Variants in OPCML observed in about 807,000 individuals in gnomAD.
OPCML encodes opioid-binding protein/cell adhesion molecule.
In OPCML, 13 loss-of-function variants were observed where a neutral mutation model predicts 37.8. The observed-to-expected ratio is 0.34, with a 90% CI of 0.22 to 0.55. The LOEUF is 0.55. OPCML is among the 20% of genes least tolerant of loss of function. The pLI, the probability that OPCML is intolerant of heterozygous loss-of-function variation, is 0.91. For missense variants in OPCML, 341 were observed against 435.6 expected (o/e 0.78, Z 1.93); for synonymous variants, 176 against 168.8 (o/e 1.04, Z -0.33).
chr11:132,722,734 C>T (rs373123738), intron 2 of OPCML, among the ~76,000 whole-genome samples: 2 of 152,224 alleles, frequency 1.3e-5, no homozygotes, highest in South Asian at 2.1e-4. Context: ...ACTGCCAGCC[C>T]TCCATGAACT....
chr11:133,041,035 A>G (rs1043947593), intron 1 of OPCML, among the ~76,000 whole-genome samples: 6 of 152,184 alleles, frequency 3.9e-5, no homozygotes, highest in African/African-American at 1.2e-4. Context: ...GTTAGCTGGA[A>G]AAAACTTTAT....
At chr11:132,578,298 C>T (rs2096455281) in intron 3 of OPCML, among the ~76,000 whole-genome samples, 2 of 152,134 alleles carry the variant, frequency 1.3e-5, no homozygotes, top group Non-Finnish European at 2.9e-5. Flanking sequence ...TCAACCAATG[C>T]TTTGAGTTTG....
At chr11:133,385,599 T>A (rs2136793359) in intron 1 of OPCML, among the ~76,000 whole-genome samples, 1 of 152,082 alleles carries the variant, frequency 6.6e-6, no homozygotes, top group Non-Finnish European at 1.5e-5. Flanking sequence ...GCCTAGCTGT[T>A]TTCAAAGCTC....
intron 1 of OPCML, chr11:133,066,989 T>G (rs1948452072): frequency 6.6e-6 from 1 of 152,162 alleles, no homozygotes; most frequent in Non-Finnish European, 1.5e-5. Context: ...GGTGAAGTTG[T>G]GTTGAGATAA....
intron 1 of OPCML, among the ~76,000 whole-genome samples, chr11:133,412,785 G>A (rs1212018869): frequency 6.6e-6 from 1 of 152,204 alleles, no homozygotes; most frequent in Admixed American, 6.5e-5. Context: ...GTGCCTGGAA[G>A]GGGAAGAGAG....
intron 2 of OPCML, among the ~76,000 whole-genome samples, chr11:132,849,743 G>T (rs531999467): frequency 1.3e-5 from 2 of 152,314 alleles, no homozygotes; most frequent in East Asian, 3.9e-4. Flanking sequence ...GGACCCAGAG[G>T]ACATGGTTCA....
chr11:133,215,707 C>T (rs1477491881), intron 1 of OPCML, among the ~76,000 whole-genome samples: 1 of 152,112 alleles, frequency 6.6e-6, no homozygotes, highest in Non-Finnish European at 1.5e-5. Context: ...GGGAGCAGAA[C>T]CCAGGTCACA....
intron 3 of OPCML, among the ~76,000 whole-genome samples, chr11:132,542,241 T>G (rs1405349128): frequency 6.6e-6 from 1 of 152,188 alleles, no homozygotes; most frequent in Non-Finnish European, 1.5e-5. Flanking sequence ...ATGCCTGGGC[T>G]GAGAATTAGG....
chr11:132,416,885 T>C lies in OPCML; in HGVS notation c.*3308A>G, dbSNP rs897491862. The C allele has an allele frequency of 6.6e-6, 1 of 152,572 alleles. No individual in the cohort carries two copies. The highest frequency in any genetic ancestry group is 2.4e-5 in the African/African-American group (1 of 41,432). 9.5% of individuals were successfully genotyped at this position (152,572 alleles called of 1,614,324 possible). A position where few individuals can be genotyped will look rare whatever the true frequency, so the allele number is the denominator to read the frequency against. ...AGTCGACTGTATCAGGCACTTGACA[T>C]TAAACTACTGAAAAACAAGCTTGGC... On this transcript the variant is annotated 3_prime_UTR_variant, in exon 8 of 8. Coordinates refer to ENST00000524381, the MANE Select transcript of OPCML (RefSeq NM_001012393.5).
At chr11:133,307,767 T>C (rs566218907) in intron 1 of OPCML, among the ~76,000 whole-genome samples, 2 of 152,316 alleles carry the variant, frequency 1.3e-5, no homozygotes, top group South Asian at 4.1e-4. Flanking sequence ...ACAGTGGAAG[T>C]TTAACAAAGA....
intron 1 of OPCML, among the ~76,000 whole-genome samples, chr11:133,521,360 G>T (rs1468816818): frequency 6.6e-6 from 1 of 152,148 alleles, no homozygotes; most frequent in South Asian, 2.1e-4. Flanking sequence ...CCTTCCACAC[G>T]GTGAAGGCAG....
chr11:133,401,952 T>A (rs1024930903), intron 1 of OPCML, among the ~76,000 whole-genome samples: 3 of 152,224 alleles, frequency 2.0e-5, no homozygotes, highest in African/African-American at 7.2e-5. Context: ...GAGTTAGTGC[T>A]GATTGTCAAT....
At chr11:132,565,640 C>A (rs2096420928) in intron 3 of OPCML, among the ~76,000 whole-genome samples, 1 of 152,228 alleles carries the variant, frequency 6.6e-6, no homozygotes, top group Non-Finnish European at 1.5e-5. Flanking sequence ...TTACAAGAAG[C>A]TCTCTTTGCA....
At chr11:132,939,134 G>A (rs1019424649) in intron 2 of OPCML, among the ~76,000 whole-genome samples, 12 of 152,038 alleles carry the variant, frequency 7.9e-5, no homozygotes, top group African/African-American at 2.9e-4. Context: ...ACACTGAAAT[G>A]GAAAAATAAT....
At chr11:133,516,761 A>C (rs1425822976) in intron 1 of OPCML, among the ~76,000 whole-genome samples, 1 of 152,132 alleles carries the variant, frequency 6.6e-6, no homozygotes, top group African/African-American at 2.4e-5. Flanking sequence ...ACGGGGATGG[A>C]TGGTCCCTGT....
intron 1 of OPCML, among the ~76,000 whole-genome samples, chr11:133,492,740 GC>G (rs1947693702): frequency 6.6e-6 from 1 of 151,876 alleles, no homozygotes; most frequent in Admixed American, 6.6e-5. Context: ...TAAATTCAGT[GC>G]CCAGTAAAAT....
intron 1 of OPCML, among the ~76,000 whole-genome samples, chr11:133,170,883 T>G (rs1372308409): frequency 6.6e-6 from 1 of 152,172 alleles, no homozygotes. Context: ...CAGCTCCTCA[T>G]GAGCAAAGAA....
chr11:133,033,984 T>G (rs990063938), intron 1 of OPCML, among the ~76,000 whole-genome samples: 2 of 152,198 alleles, frequency 1.3e-5, no homozygotes, highest in African/African-American at 4.8e-5. Flanking sequence ...AACAGTAATC[T>G]TAACTGACAC....
intron 7 of OPCML, among the ~76,000 whole-genome samples, chr11:132,423,263 C>A (rs2095966334): frequency 6.6e-6 from 1 of 152,198 alleles, no homozygotes; most frequent in Admixed American, 6.5e-5. Flanking sequence ...ATGATGAGCA[C>A]CTGCTTTGTC....
Sources: gnomAD v4.1 joint callset for allele counts (sites outside exome capture counted in the v4.1 genomes callset) on GRCh38, gnomAD v4.1.1 for gene constraint, MANE v1.5 for transcripts, NCBI Gene and HGNC (gene_info 2026-07-23, HGNC 2026-07-21) for gene names.